TMEM74: variants seen among roughly 807,000 people sequenced by gnomAD.
TMEM74 encodes the protein transmembrane protein 74.
In TMEM74, 13 loss-of-function variants were observed where a neutral mutation model predicts 18.1. The ratio of observed to expected loss-of-function variants is 0.72; its 90% CI spans 0.47 to 1.14. The LOEUF is 1.14. Among genes scored for constraint, TMEM74 ranks in the 50% most tolerant of loss-of-function variants. The probability of loss-of-function intolerance (pLI) is 0.00; values close to 1 mark genes in which losing one functional copy is unlikely to be tolerated. For synonymous variants in TMEM74, 159 were observed against 146.6 expected (o/e 1.08, Z -0.61); for missense variants, 372 against 375.9 (o/e 0.99, Z 0.09).
intron 1 of TMEM74, among the ~76,000 whole-genome samples, chr8:108,663,301 A>G (rs1387880948): frequency 6.6e-6 from 1 of 152,188 alleles, no homozygotes; most frequent in Non-Finnish European, 1.5e-5. Context: ...AAGTGGGCAA[A>G]GGACATGAAG....
intron 2 of TMEM74, chr8:108,626,552 T>C (rs1459048546): frequency 2.0e-5 from 3 of 152,096 alleles, no homozygotes; most frequent in Non-Finnish European, 4.4e-5. Context: ...CTGCTTTTCA[T>C]AAGATTTCAG....
chr8:108,738,491 A>G (rs1254428023), intron 1 of TMEM74, among the ~76,000 whole-genome samples: 2 of 152,180 alleles, frequency 1.3e-5, no homozygotes, highest in Non-Finnish European at 2.9e-5. Context: ...AGATAACTGA[A>G]CTATCCCACA....
intron 1 of TMEM74, among the ~76,000 whole-genome samples, chr8:108,771,954 A>C (rs1293985396): frequency 6.6e-6 from 1 of 152,148 alleles, no homozygotes; most frequent in Non-Finnish European, 1.5e-5. Flanking sequence ...TCATAGCAAC[A>C]TTAAATGTTG....
At chr8:108,760,840 C>T (rs147524119) in intron 1 of TMEM74, among the ~76,000 whole-genome samples, 2 of 151,946 alleles carry the variant, frequency 1.3e-5, no homozygotes, top group African/African-American at 2.4e-5. Context: ...AGCCAATCTG[C>T]CAGGCAGAAG....
At chr8:108,609,803 G>T (rs879669773) in intron 2 of TMEM74, among the ~76,000 whole-genome samples, 16 of 152,294 alleles carry the variant, frequency 1.1e-4, no homozygotes, top group Admixed American at 1.0e-3. Context: ...AATGATTATT[G>T]TCATTCTGCT....
chr8:108,685,382 A>G (rs1288698459), intron 1 of TMEM74, among the ~76,000 whole-genome samples: 4 of 152,122 alleles, frequency 2.6e-5, no homozygotes, highest in Non-Finnish European at 5.9e-5. Flanking sequence ...AGTCATCTGC[A>G]AACAGGAATA....
chr8:108,743,834 C>T (rs148148159), intron 1 of TMEM74, among the ~76,000 whole-genome samples: 207 of 152,274 alleles, frequency 1.4e-3, no homozygotes, highest in Middle Eastern at 0.01. Flanking sequence ...CAGCCTCTCA[C>T]CTCCCTCCAG....
At chr8:108,637,423 C>A (rs1338606192) in intron 2 of TMEM74, among the ~76,000 whole-genome samples, 2 of 151,998 alleles carry the variant, frequency 1.3e-5, no homozygotes, top group African/African-American at 4.8e-5. Context: ...AAGGACTTTG[C>A]TGAAGTGATG....
chr8:108,663,938 AAC>A (rs1812925068), intron 1 of TMEM74, among the ~76,000 whole-genome samples: 1 of 152,146 alleles, frequency 6.6e-6, no homozygotes, highest in African/African-American at 2.4e-5. Context: ...CAGAGGAAAC[AAC>A]ACACACTGGG....
At chr8:108,723,510 C>A (rs977057228) in intron 1 of TMEM74, among the ~76,000 whole-genome samples, 2 of 152,048 alleles carry the variant, frequency 1.3e-5, no homozygotes, top group Admixed American at 6.6e-5. Flanking sequence ...AGGCAGCAAT[C>A]ATTTTGAGTC....
At chr8:108,664,445 A>G (rs1234000447) in intron 1 of TMEM74, among the ~76,000 whole-genome samples, 1 of 152,126 alleles carries the variant, frequency 6.6e-6, no homozygotes, top group Non-Finnish European at 1.5e-5. Context: ...GTTGGTGCAT[A>G]GGAATGTTAC....
intron 2 of TMEM74, among the ~76,000 whole-genome samples, chr8:108,628,248 C>T (rs959387465): frequency 3.9e-5 from 6 of 152,066 alleles, no homozygotes; most frequent in African/African-American, 1.2e-4. Flanking sequence ...TTATCTCAAA[C>T]TAATTTATCA....
At chr8:108,747,588 G>T (rs950163519) in intron 1 of TMEM74, among the ~76,000 whole-genome samples, 2 of 151,822 alleles carry the variant, frequency 1.3e-5, no homozygotes, top group East Asian at 1.9e-4. Flanking sequence ...TAAGTTCAGG[G>T]GTACATGTGC....
At chr8:108,639,722 A>G (rs1812644105) in intron 2 of TMEM74, among the ~76,000 whole-genome samples, 1 of 152,160 alleles carries the variant, frequency 6.6e-6, no homozygotes, top group Admixed American at 6.5e-5. Context: ...CATAATGACA[A>G]TTAAAAATGC....
chr8:108,728,123 A>T (rs1231989479), intron 1 of TMEM74, among the ~76,000 whole-genome samples: 1 of 152,216 alleles, frequency 6.6e-6, no homozygotes, highest in African/African-American at 2.4e-5. Flanking sequence ...AATAATTAGT[A>T]TAGCAGCTCT....
At chr8:108,710,306 TTCTTA>T (rs544169496) in intron 1 of TMEM74, among the ~76,000 whole-genome samples, 301 of 152,354 alleles carry the variant, frequency 2.0e-3, no homozygotes, top group African/African-American at 6.9e-3. Flanking sequence ...GACTGCCAGA[TTCTTA>T]TCTTAACATG....
intron 2 of TMEM74, among the ~76,000 whole-genome samples, chr8:108,636,035 C>T (rs189100985): frequency 6.6e-6 from 1 of 151,924 alleles, no homozygotes; most frequent in Admixed American, 6.6e-5. Context: ...ATCTTTAAAC[C>T]AGAAAGTCCG....
At chr8:108,708,675 G>A (rs1424584832) in intron 1 of TMEM74, among the ~76,000 whole-genome samples, 1 of 151,874 alleles carries the variant, frequency 6.6e-6, no homozygotes, top group African/African-American at 2.4e-5. Flanking sequence ...TTTGAAAAGT[G>A]TCTGTTCATG....
chr8:108,693,366 T>C (rs1380711453), intron 1 of TMEM74, among the ~76,000 whole-genome samples: 1 of 152,198 alleles, frequency 6.6e-6, no homozygotes, highest in Non-Finnish European at 1.5e-5. Context: ...TTTCAGATAA[T>C]GGAAGTGGCC....
Sources: allele counts gnomAD v4.1 joint callset (sites outside exome capture counted in the v4.1 genomes callset), GRCh38; gene constraint gnomAD v4.1.1; transcripts MANE v1.5; gene names NCBI Gene and HGNC (gene_info 2026-07-23, HGNC 2026-07-21).